Variants in POC1B observed in about 807,000 individuals in gnomAD.
The protein encoded by POC1B is POC1 centriolar protein homolog B.
POC1B carries 44 observed loss-of-function variants against 60.6 expected under a neutral mutation model. The observed-to-expected ratio is 0.73, with a 90% CI of 0.57 to 0.93. The LOEUF is 0.93. POC1B is among the 40% of genes least tolerant of loss of function. POC1B has a pLI of 0.00. For missense variants in POC1B, 555 were observed against 572.3 expected (o/e 0.97, Z 0.31); for synonymous variants, 180 against 198.9 (o/e 0.90, Z 0.80).
At chr12:89,415,642 CAA>C (rs35705271), downstream of POC1B, among the ~76,000 whole-genome samples, 2,134 of 124,222 alleles carry the variant, frequency 0.017, 68 homozygotes, top group African/African-American at 0.056. Context: ...GACTCCGTCT[CAA>C]AAAAAAAAAA....
chr12:89,501,201 A>C lies in POC1B; in HGVS notation c.101-3859T>G. On this transcript the variant is annotated intron_variant, in intron 2 of 11. Transcript: ENST00000313546. ...TGGCAAATGACAAACATTCCCATAA[A>C]CCTCACCTAGTAGAGACATCTCAGC... 6 of 1,419,804 alleles carry C rather than the reference A, an allele frequency of 4.2e-6. No homozygotes were observed. The South Asian group carries it at 6.9e-5, about 16-fold the overall frequency. 88.0% of individuals were successfully genotyped at this position (1,419,804 alleles called of 1,614,324 possible).
the POC1B span, among the ~76,000 whole-genome samples, chr12:89,411,134 T>C: frequency 1.3e-5 from 2 of 152,144 alleles, no homozygotes; most frequent in African/African-American, 2.4e-5. Flanking sequence ...CATAAACAAA[T>C]GGAGAAACAT....
chr12:89,469,358 C>G (rs563207561), intron 7 of POC1B, among the ~76,000 whole-genome samples: 15 of 152,142 alleles, frequency 9.9e-5, no homozygotes, highest in Non-Finnish European at 1.9e-4. Context: ...CTACTTGGTT[C>G]TAAACCAATT....
intron 2 of POC1B, 169 bp downstream of exon 2, chr12:89,524,951 G>C (rs764856064): frequency 2.8e-6 from 3 of 1,066,302 alleles, no homozygotes; most frequent in Non-Finnish European, 4.0e-6. Context: ...CGGGATGGCA[G>C]AGGGGGCCCT....
intron 2 of POC1B, among the ~76,000 whole-genome samples, chr12:89,499,770 G>A (rs374162449): frequency 3.9e-5 from 6 of 152,288 alleles, no homozygotes; most frequent in African/African-American, 1.2e-4. Context: ...TTAATTCCAC[G>A]TAGAAAACAG....
chr12:89,447,419 G>A (rs568487904), intron 10 of POC1B, among the ~76,000 whole-genome samples: 1 of 152,132 alleles, frequency 6.6e-6, no homozygotes, highest in African/African-American at 2.4e-5. Context: ...AATTTTTTCA[G>A]TAATTTTACT....
Position 89,492,108 on chromosome 12 carries a change from T to C in POC1B, c.280A>G (p.Lys94Glu). 6.5e-7 allele frequency: 1 copy of C among 1,550,252 alleles called. No homozygotes were observed. Among genetic ancestry groups the C allele is most frequent in the Non-Finnish European group, 8.7e-7 (1 of 1,153,466 alleles). The change falls in exon 4 of 12, where the codon AAA becomes GAA. Residue 94 changes from lysine (K) to glutamate (E), a missense_variant. Lys to Glu is a moderately conservative substitution (Grantham distance 56, BLOSUM62 1). Transcript: ENST00000313546. ...VRLWIPDKRG[K>E]FSEFKAHTAP... ...GTATGAGCTTTAAATTCTGAGAATT[T>C]TCCTCTCCTGGAAATAAACAGTTTA...
intron 4 of POC1B, among the ~76,000 whole-genome samples, chr12:89,482,013 T>A (rs565127512): frequency 1.6e-4 from 24 of 152,254 alleles, no homozygotes; most frequent in African/African-American, 5.8e-4. Context: ...GACAGCATAA[T>A]CTAAACTCAA....
chr12:89,491,068 G>T (rs1266632187), intron 4 of POC1B, among the ~76,000 whole-genome samples: 1 of 151,990 alleles, frequency 6.6e-6, no homozygotes, highest in Non-Finnish European at 1.5e-5. Flanking sequence ...CTCACCCAGG[G>T]CACAAGTCAG....
chr12:89,454,379 C>T (rs995071761), intron 10 of POC1B, among the ~76,000 whole-genome samples: 1 of 152,180 alleles, frequency 6.6e-6, no homozygotes, highest in East Asian at 1.9e-4. Flanking sequence ...GTATTGCCTC[C>T]CGTCTGAGTA....
At chr12:89,461,449 A>G (rs1300510928) in intron 9 of POC1B, 1 of 152,250 alleles carries the variant, frequency 6.6e-6, no homozygotes, top group African/African-American at 2.4e-5. Flanking sequence ...TTGGGAAGGC[A>G]CAGAAAGTTG....
At chr12:89,508,505 T>C (rs1870015173) in intron 2 of POC1B, among the ~76,000 whole-genome samples, 1 of 152,230 alleles carries the variant, frequency 6.6e-6, no homozygotes, top group African/African-American at 2.4e-5. Flanking sequence ...CATATTAGGG[T>C]GCACATGATG....
intron 2 of POC1B, chr12:89,502,772 G>A (rs1404326494): frequency 1.5e-6 from 2 of 1,327,042 alleles, no homozygotes; most frequent in Non-Finnish European, 2.1e-6. Flanking sequence ...TGTTGGCCAG[G>A]ATATATTGTT....
chr12:89,486,393 G>A (rs1186414676), intron 4 of POC1B, among the ~76,000 whole-genome samples: 1 of 152,156 alleles, frequency 6.6e-6, no homozygotes, highest in Non-Finnish European at 1.5e-5. Flanking sequence ...AAGGGTGGAA[G>A]CAGGGGGCGT....
At chr12:89,503,759 CCGGCAGCCGCCCCA>C (rs1869733867) in intron 2 of POC1B, among the ~76,000 whole-genome samples, 1 of 126,728 alleles carries the variant, frequency 7.9e-6, no homozygotes, top group Non-Finnish European at 1.7e-5. Context: ...GCCCCTCCGC[CCGGCAGCCGCCCCA>C]TCTGAGAAGT....
At chr12:89,522,673 T>C (rs1407841581) in intron 2 of POC1B, 2 of 1,128,104 alleles carry the variant, frequency 1.8e-6, no homozygotes, top group Admixed American at 6.4e-5. Context: ...TATACCAAAA[T>C]GAACCCCAGC....
chr12:89,499,350 A>G (rs1254973388), intron 2 of POC1B, among the ~76,000 whole-genome samples: 1 of 152,168 alleles, frequency 6.6e-6, no homozygotes, highest in African/African-American at 2.4e-5. Context: ...GGACTACTAG[A>G]AGAGGGAGGA....
At chr12:89,472,031 G>A (rs1882919719) in intron 5 of POC1B, 137 bp downstream of exon 5, 5 of 649,322 alleles carry the variant, frequency 7.7e-6, no homozygotes, top group Admixed American at 3.0e-5. Context: ...GCCTCCCGAA[G>A]TGCTGGCATT....
Position 89,480,142 on chromosome 12 carries a change from G to GTT in POC1B, c.453-7869_453-7868dup, listed in dbSNP as rs557388611. On this transcript the variant is annotated intron_variant, in intron 4 of 11. Transcript: ENST00000313546. ...ACTGGTTGGACAAGTTTCTTCTTTC[G>GTT]TTTTTTTTTTTTGAGACAAGGTCTC... 3.8e-4 allele frequency among the ~76,000 whole-genome samples: 54 copies of GTT among 143,968 alleles called. No individual in the cohort carries two copies. In the South Asian group the frequency reaches 3.9e-3, roughly 10 times the overall value. 94.4% of individuals were successfully genotyped at this position (143,968 alleles called of 152,430 possible).
Sources: gnomAD v4.1 joint callset for allele counts (sites outside exome capture counted in the v4.1 genomes callset) on GRCh38, gnomAD v4.1.1 for gene constraint, MANE v1.5 for transcripts, NCBI Gene and HGNC (gene_info 2026-07-23, HGNC 2026-07-21) for gene names.